The following CACNA1H variants were observed in gnomAD, a reference collection of about 807,000 sequenced individuals.
CACNA1H encodes calcium voltage-gated channel subunit alpha1 H, also known as voltage-dependent T-type calcium channel subunit alpha-1H.
Under a neutral mutation model 192.5 loss-of-function variants are expected in CACNA1H, and 149 were observed. The observed-to-expected ratio is 0.77, with a 90% CI of 0.68 to 0.89. The LOEUF is 0.89. Ranked by LOEUF, CACNA1H falls within the 40% of genes least tolerant of loss-of-function variation. The probability of loss-of-function intolerance (pLI) is 0.00; values close to 1 mark genes in which losing one functional copy is unlikely to be tolerated. For missense variants in CACNA1H, 4,257 were observed against 3,423.5 expected, an observed-to-expected ratio of 1.24 and a Z score of -6.08; for synonymous variants, 2,202 against 1,475.2, an observed-to-expected ratio of 1.49 and a Z score of -11.29.
rs754242338 is a variant in CACNA1H, at chr16:1,207,810, C to T, written c.3104C>T (p.Ser1035Leu). The change falls in exon 15 of 35, where the codon TCG becomes TTG. Residue 1035 changes from serine to leucine, a missense_variant. By Grantham distance (145) the Ser-to-Leu change is moderately radical. Transcript: ENST00000348261. ...NRSDTDEDKT[S>L]VHFEEDFHKL... ...TCCGACACGGACGAGGACAAGACGT[C>T]GGTCCACTTCGAGGAGGACTTCCAC... 16 of 1,602,844 alleles carry T rather than the reference C, an allele frequency of 1.0e-5. No homozygotes were observed. The highest frequency in any genetic ancestry group is 3.4e-5 in the South Asian group (3 of 88,950).
intron 1 of CACNA1H, 82 bp downstream of exon 1, chr16:1,153,552 G>C (rs1377537130): frequency 3.0e-6 from 1 of 336,560 alleles, no homozygotes; most frequent in Non-Finnish European, 5.1e-6. Flanking sequence ...GGTGGGGGTG[G>C]GGCCGCTGGA....
intron 2 of CACNA1H, among the ~76,000 whole-genome samples, chr16:1,155,025 C>G (rs1279583399): frequency 6.6e-6 from 1 of 152,198 alleles, no homozygotes; most frequent in Non-Finnish European, 1.5e-5. Context: ...AGACGTCCCC[C>G]GTCGGAGGTG....
rs566938069 is a variant in CACNA1H at position 1,221,420 on chromosome 16, C to T, written c.*426C>T. The T allele has an allele frequency of 1.3e-5, 4 of 301,488 alleles. No individual in the cohort carries two copies. Among genetic ancestry groups the T allele is most frequent in the Admixed American group, 4.8e-5 (1 of 20,726 alleles). 18.7% of individuals were successfully genotyped at this position (301,488 alleles called of 1,614,324 possible). ...GGTTGCAGCCACCGCGGCCCAATGT[C>T]ACCTTCACTCACAGTCTGAGTTCTT... is the stretch of plus-strand genomic sequence containing the variant. On this transcript the variant is annotated 3_prime_UTR_variant, in exon 35 of 35. Transcript: ENST00000348261.
At chr16:1,161,409 G>T (rs1963183589) in intron 2 of CACNA1H, among the ~76,000 whole-genome samples, 2 of 152,206 alleles carry the variant, frequency 1.3e-5, no homozygotes, top group African/African-American at 4.8e-5. Context: ...CTGGCCGGAG[G>T]TGGTTGTCTC....
In CACNA1H at chr16:1,201,654, C is replaced by T. The variant is rs769924135; in HGVS notation, c.1213-9C>T. The stretch of plus-strand genomic sequence containing the variant: ...CTCACTGCCACTTACCCGCCCGCCC[C>T]CGTCACAGGTGGGCTCCTTCTTCAT... On this transcript the variant is annotated splice_polypyrimidine_tract_variant and intron_variant, in intron 8 of 34. Coordinates refer to ENST00000348261, the MANE Select transcript of CACNA1H (RefSeq NM_021098.3). 1.9e-6 allele frequency: 3 copies of T among 1,577,666 alleles called. No individual in the cohort carries two copies. Among genetic ancestry groups the T allele is most frequent in the African/African-American group, 2.7e-5 (2 of 74,316 alleles).
chr16:1,216,944 G>A lies in CACNA1H; in HGVS notation c.5257G>A (p.Gly1753Ser). 6.2e-7 allele frequency: 1 copy of A among 1,603,546 alleles called. No individual in the cohort carries two copies. The change falls in exon 31 of 35, where the codon GGC becomes AGC. Residue 1753 changes from glycine to serine, a missense_variant. By Grantham distance (56) the Gly-to-Ser change is moderately conservative (BLOSUM62 0). Coordinates refer to ENST00000348261, the MANE Select transcript of CACNA1H (RefSeq NM_021098.3). ...CTCTCTTGTGTAGGTGGGGAACCTGGGCCTTCTTTTCATGCTCCTGTTTTT... is the reference window on the plus strand; with the variant it reads ...CTCTCTTGTGTAGGTGGGGAACCTGAGCCTTCTTTTCATGCTCCTGTTTTT... Reference protein sequence around the residue: ...VQALPQVGNLGLLFMLLFFIY... With the variant: ...VQALPQVGNLSLLFMLLFFIY...
chr16:1,172,496 A>T (rs1307483374), intron 2 of CACNA1H, among the ~76,000 whole-genome samples: 1 of 152,132 alleles, frequency 6.6e-6, no homozygotes, highest in African/African-American at 2.4e-5. Context: ...CCAGCAGGAC[A>T]CGTAAGTACC....
At position 1,189,186 on chromosome 16, in the gene CACNA1H, A is replaced by G. The variant is rs546479681; in HGVS notation, c.300-5786A>G. ...GTGAGAAAAGCTGTTCTCCTCCCGG[A>G]GACTGAGGAGCTGGTGTCCCTGAAG... On this transcript the variant is annotated intron_variant, in intron 2 of 34. Transcript: ENST00000348261. 6.6e-5 allele frequency among the ~76,000 whole-genome samples: 10 copies of G among 151,514 alleles called. No homozygotes were observed. The South Asian group carries it at 1.5e-3, about 22-fold the overall frequency.
intron 5 of CACNA1H, 148 bp from the exon 6 acceptor site, chr16:1,198,467 C>T: frequency 2.5e-6 from 2 of 797,172 alleles, no homozygotes; most frequent in South Asian, 3.3e-5. Flanking sequence ...GCGGGAAAAT[C>T]ACCAGGGGGT....
At position 1,206,421 on chromosome 16, in the gene CACNA1H, C is replaced by T. The variant is rs1040649280; in HGVS notation, c.2789+132C>T. On this transcript the variant is annotated intron_variant, in intron 12 of 34. Transcript: ENST00000348261. ...CCCCAGAGCATCTGCAGACACTCGG[C>T]CTCTGCTGCCTTCATTTGAGAAGCA... 3.1e-5 allele frequency: 24 copies of T among 770,968 alleles called. No individual in the cohort carries two copies. The East Asian group carries it at 3.5e-4, about 11-fold the overall frequency. 47.8% of individuals were successfully genotyped at this position (770,968 alleles called of 1,614,324 possible). A position where few individuals can be genotyped will look rare whatever the true frequency, so the allele number is the denominator to read the frequency against.
At position 1,197,116 on chromosome 16, in the gene CACNA1H, G is replaced by T. The variant is rs145104914; in HGVS notation, c.643+1093G>T. ...AGGGCAGGTGGGTCATCCTCGTGCC[G>T]CTGGTCCCTGAGCCTGCCTTCCACC... On this transcript the variant is annotated intron_variant, in intron 5 of 34. Transcript: ENST00000348261. Among the ~76,000 whole-genome samples the T allele has an allele frequency of 5.0e-4, 76 of 152,308 alleles. 1 individual carries two copies. Among genetic ancestry groups the T allele is most frequent in the Admixed American group, 4.9e-3 (75 of 15,304 alleles).
At chr16:1,214,650 C>T (rs530073466) in intron 27 of CACNA1H, among the ~76,000 whole-genome samples, 3 of 152,282 alleles carry the variant, frequency 2.0e-5, no homozygotes, top group South Asian at 2.1e-4. Context: ...ACACTGCCAT[C>T]GGGGTGCACA....
rs61294616 is a variant in CACNA1H at position 1,209,194 on chromosome 16, G to A, written c.3526G>A (p.Asp1176Asn). ...LLSGEGKGST[D>N]DEAEDGRAAP... ...GTCTGGCGAGGGCAAGGGCAGCACC[G>A]ACGACGAAGCTGAGGACGGCAGGGC... Residue 1176 changes from aspartate to asparagine, a missense_variant, in exon 17 of 35, where the codon GAC becomes AAC. Transcript: ENST00000348261. 34 of 1,552,148 alleles carry A rather than the reference G, an allele frequency of 2.2e-5. No individual in the cohort carries two copies. Among genetic ancestry groups the A allele is most frequent in the African/African-American group, 4.1e-5 (3 of 73,022 alleles).
Position 1,212,536 on chromosome 16 carries a change from C to G in CACNA1H, c.4777+8C>G. 2 of 1,610,346 alleles carry G rather than the reference C, an allele frequency of 1.2e-6. No individual in the cohort carries two copies. Among genetic ancestry groups the G allele is most frequent in the Non-Finnish European group, 1.7e-6 (2 of 1,178,926 alleles). On this transcript the variant is annotated splice_region_variant and intron_variant, in intron 26 of 34. Transcript: ENST00000348261. ...GCACTTTCCCCAGCCCAGGTACCGG[C>G]CCTGTCCCGCATGCCTCAGGCCCCG...
intron 31 of CACNA1H, 75 bp from the exon 32 acceptor site, chr16:1,217,844 T>C (rs1478234867): frequency 2.7e-6 from 4 of 1,502,668 alleles, no homozygotes; most frequent in African/African-American, 2.8e-5. Flanking sequence ...CCAAGGGGCA[T>C]GTGGAGGCTG....
intron 6 of CACNA1H, among the ~76,000 whole-genome samples, chr16:1,199,171 C>T (rs1452886900): frequency 4.8e-5 from 3 of 62,710 alleles, no homozygotes; most frequent in African/African-American, 2.0e-4. Context: ...CACATATGCC[C>T]CACCCCCATC....
chr16:1,209,930 G>T, intron 17 of CACNA1H, 105 bp from the exon 18 acceptor site: 1 of 815,258 alleles, frequency 1.2e-6, no homozygotes, highest in South Asian at 1.6e-5. Context: ...GATGGAGAAG[G>T]CTGAGAAGGT....
intron 2 of CACNA1H, among the ~76,000 whole-genome samples, 163 bp downstream of exon 2, chr16:1,154,199 T>G (rs1437223687): frequency 6.6e-6 from 1 of 151,150 alleles, no homozygotes; most frequent in Non-Finnish European, 1.5e-5. Flanking sequence ...AGGACCGCGC[T>G]CTAATTTCTG....
intron 2 of CACNA1H, among the ~76,000 whole-genome samples, chr16:1,173,703 G>T (rs1444205161): frequency 2.0e-5 from 3 of 152,270 alleles, no homozygotes; most frequent in African/African-American, 7.2e-5. Context: ...GGGAAGGAGG[G>T]TGGGGCTCCC....
Sources: gnomAD v4.1 joint callset for allele counts (sites outside exome capture counted in the v4.1 genomes callset) on GRCh38, gnomAD v4.1.1 for gene constraint, MANE v1.5 for transcripts, NCBI Gene and HGNC (gene_info 2026-07-23, HGNC 2026-07-21) for gene names.